Variants in CHSY3 observed in about 807,000 individuals in gnomAD.
CHSY3 encodes N-acetylgalactosaminyl-proteoglycan 3-beta-glucuronosyltransferase 3.
Under a neutral mutation model 67.2 loss-of-function variants are expected in CHSY3, and 35 were observed. That is an observed-to-expected ratio of 0.52 (90% CI 0.40 to 0.69). CHSY3 has a LOEUF of 0.69. CHSY3 is among the 30% of genes least tolerant of loss of function. The pLI, the probability that CHSY3 is intolerant of heterozygous loss-of-function variation, is 0.00. For synonymous variants in CHSY3, 474 were observed against 434.7 expected, an observed-to-expected ratio of 1.09 and a Z score of -1.12; for missense variants, 1,069 against 1,138.5, an observed-to-expected ratio of 0.94 and a Z score of 0.88.
intron 2 of CHSY3, among the ~76,000 whole-genome samples, chr5:130,011,619 C>A (rs995625580): frequency 3.9e-5 from 6 of 152,014 alleles, no homozygotes; most frequent in African/African-American, 1.5e-4. Flanking sequence ...GAAGTCCTAG[C>A]CAGAGCAATC....
intron 2 of CHSY3, among the ~76,000 whole-genome samples, chr5:130,147,549 A>G (rs1398060565): frequency 1.3e-5 from 2 of 152,172 alleles, no homozygotes; most frequent in African/African-American, 4.8e-5. Flanking sequence ...GCATATGTGT[A>G]TTAGGCCATT....
chr5:129,954,543 A>T (rs1431478215), intron 2 of CHSY3, among the ~76,000 whole-genome samples: 2 of 151,676 alleles, frequency 1.3e-5, no homozygotes, highest in Admixed American at 1.3e-4. Context: ...CTTGATGGGG[A>T]TAGCATTGAA....
At chr5:130,080,841 A>G (rs1372852772) in intron 2 of CHSY3, among the ~76,000 whole-genome samples, 1 of 152,104 alleles carries the variant, frequency 6.6e-6, no homozygotes. Flanking sequence ...CAAAAGGTTC[A>G]CAGAAAAAGA....
intron 2 of CHSY3, among the ~76,000 whole-genome samples, chr5:129,992,097 C>T (rs1763386055): frequency 6.6e-6 from 1 of 152,122 alleles, no homozygotes; most frequent in African/African-American, 2.4e-5. Context: ...AGTTTCTTTT[C>T]TGGGAACTTC....
intron 2 of CHSY3, among the ~76,000 whole-genome samples, chr5:129,964,070 C>T (rs913120633): frequency 1.3e-5 from 2 of 151,872 alleles, no homozygotes; most frequent in Non-Finnish European, 2.9e-5. Flanking sequence ...TCCCTCAAGC[C>T]CATCTGATGG....
At chr5:130,077,837 T>G (rs183860458) in intron 2 of CHSY3, among the ~76,000 whole-genome samples, 6 of 152,040 alleles carry the variant, frequency 3.9e-5, no homozygotes, top group Admixed American at 2.0e-4. Context: ...ACACATACAT[T>G]TATATATATT....
intron 2 of CHSY3, among the ~76,000 whole-genome samples, chr5:130,160,556 G>A (rs1256098684): frequency 1.3e-5 from 2 of 152,160 alleles, no homozygotes; most frequent in African/African-American, 4.8e-5. Context: ...CTTTCCTGGT[G>A]TCCTCGGCAT....
intron 2 of CHSY3, among the ~76,000 whole-genome samples, chr5:129,980,933 G>C (rs188114367): frequency 1.3e-5 from 2 of 152,060 alleles, no homozygotes; most frequent in African/African-American, 4.8e-5. Context: ...TCGGCCGGGC[G>C]CGGTGGCTCA....
chr5:130,035,883 GTTGTTTT>G, intron 2 of CHSY3, among the ~76,000 whole-genome samples: 1 of 120,050 alleles, frequency 8.3e-6, no homozygotes, highest in South Asian at 2.6e-4. Context: ...CATTCATTTG[GTTGTTTT>G]TTTTTTTTTT....
At position 130,169,001 on chromosome 5, in the gene CHSY3, C is replaced by T. The variant is rs370774481; in HGVS notation, c.1087-15228C>T. 1.5e-4 allele frequency among the ~76,000 whole-genome samples: 23 copies of T among 152,036 alleles called. 1 individual carries two copies. The highest frequency in any genetic ancestry group is 8.5e-4 in the Admixed American group (13 of 15,234). ...GTAAATGAATGAATAAATATAGCTGCGAGTAGGAGAGGGAGCCAAACTGTT... is the reference window on the plus strand; with the variant it reads ...GTAAATGAATGAATAAATATAGCTGTGAGTAGGAGAGGGAGCCAAACTGTT... On this transcript the variant is annotated intron_variant, in intron 2 of 2. Coordinates refer to ENST00000305031, the MANE Select transcript of CHSY3 (RefSeq NM_175856.5).
At chr5:130,134,853 A>G in intron 2 of CHSY3, among the ~76,000 whole-genome samples, 1 of 141,594 alleles carries the variant, frequency 7.1e-6, no homozygotes, top group African/African-American at 2.9e-5. Flanking sequence ...ACCCCCCCCA[A>G]TTTTTATGCT....
intron 2 of CHSY3, among the ~76,000 whole-genome samples, chr5:129,922,105 C>T (rs1439387559): frequency 1.3e-5 from 2 of 152,316 alleles, no homozygotes; most frequent in East Asian, 1.9e-4. Context: ...CTGTATCTGG[C>T]TCATTTCACT....
Position 129,904,973 on chromosome 5 carries a change from C to T in CHSY3, c.144C>T (p.Tyr48=), listed in dbSNP as rs746295243. The part of the protein sequence containing the change: ...KRRGSSLCSY[Y]GRSAAGPRAG... ...GTGGCTCCAGCCTCTGCTCCTACTA[C>T]GGTCGCTCTGCTGCTGGCCCCCGCG... The change falls in exon 1 of 3, where the codon TAC becomes TAT. Residue 48 remains tyrosine (Y), a synonymous_variant. Coordinates refer to ENST00000305031, the MANE Select transcript of CHSY3 (RefSeq NM_175856.5). The T allele has an allele frequency of 1.3e-5, 21 of 1,567,162 alleles. No individual in the cohort carries two copies. Among genetic ancestry groups the T allele is most frequent in the Admixed American group, 3.6e-5 (2 of 56,288 alleles).
intron 2 of CHSY3, among the ~76,000 whole-genome samples, chr5:130,135,094 C>T (rs560038549): frequency 6.6e-6 from 1 of 151,852 alleles, no homozygotes; most frequent in South Asian, 2.1e-4. Flanking sequence ...CACATATATA[C>T]GTGTCTATAT....
chr5:130,066,142 A>G (rs764610905), intron 2 of CHSY3, among the ~76,000 whole-genome samples: 5 of 152,010 alleles, frequency 3.3e-5, no homozygotes, highest in Non-Finnish European at 2.9e-5. Flanking sequence ...GGTTTCTGCT[A>G]CTCATTACTT....
intron 2 of CHSY3, among the ~76,000 whole-genome samples, chr5:129,962,696 A>G (rs10060166): frequency 0.33 from 49,589 of 151,826 alleles, 8,566 homozygotes; most frequent in South Asian, 0.46. Context: ...TAGTCAAGCA[A>G]AGAAATCCTG....
At chr5:130,139,956 G>A (rs1336753394) in intron 2 of CHSY3, 2 of 152,234 alleles carry the variant, frequency 1.3e-5, no homozygotes, top group Non-Finnish European at 2.9e-5. Flanking sequence ...TCCTATAATG[G>A]CTCATGGAAT....
At chr5:129,912,576 C>T (rs931141283) in intron 2 of CHSY3, among the ~76,000 whole-genome samples, 7 of 152,066 alleles carry the variant, frequency 4.6e-5, no homozygotes, top group African/African-American at 7.3e-5. Flanking sequence ...TATTTCCTTC[C>T]GCTTGGTGAT....
Position 130,061,925 on chromosome 5 carries a change from GAA to G in CHSY3, c.1087-122301_1087-122300del, listed in dbSNP as rs201878226. Among the ~76,000 whole-genome samples the G allele has an allele frequency of 7.9e-3, 1,203 of 151,556 alleles. 11 individuals carry two copies. The highest frequency in any genetic ancestry group is 0.011 in the Non-Finnish European group (775 of 67,882). On this transcript the variant is annotated intron_variant, in intron 2 of 2. Coordinates refer to ENST00000305031, the MANE Select transcript of CHSY3 (RefSeq NM_175856.5). ...AAACAGATATTGGCATGGATGCAGA[GAA>G]AAGAGAACACTTAGACATTGTTGGT...
Sources: allele counts gnomAD v4.1 joint callset (sites outside exome capture counted in the v4.1 genomes callset), GRCh38; gene constraint gnomAD v4.1.1; transcripts MANE v1.5; gene names NCBI Gene and HGNC (gene_info 2026-07-23, HGNC 2026-07-21).